The following KCNIP4 variants were observed in gnomAD, a reference collection of about 807,000 sequenced individuals.
KCNIP4 encodes the protein Kv channel-interacting protein 4.
KCNIP4 carries 12 observed loss-of-function variants against 34.0 expected under a neutral mutation model. The observed-to-expected ratio is 0.35, with a 90% CI of 0.23 to 0.57. The LOEUF (loss-of-function observed/expected upper bound fraction) is 0.57, where lower values mean the gene tolerates loss of function less well. Among genes scored for constraint, KCNIP4 ranks in the 20% least tolerant of loss-of-function variants. The pLI, the probability that KCNIP4 is intolerant of heterozygous loss-of-function variation, is 0.83. For synonymous variants in KCNIP4, 124 were observed against 102.2 expected (o/e 1.21, Z -1.29); for missense variants, 238 against 311.7 (o/e 0.76, Z 1.78).
intron 1 of KCNIP4, among the ~76,000 whole-genome samples, chr4:21,356,655 T>A (rs1718637501): frequency 6.6e-6 from 1 of 152,030 alleles, no homozygotes; most frequent in Non-Finnish European, 1.5e-5. Flanking sequence ...CACTGCTCAA[T>A]GAAATAAAAG....
intron 1 of KCNIP4, among the ~76,000 whole-genome samples, chr4:21,367,636 A>C (rs1719919708): frequency 6.8e-6 from 1 of 147,688 alleles, no homozygotes; most frequent in Admixed American, 6.6e-5. Context: ...AATTTCACCC[A>C]ACCCATGCAA....
intron 1 of KCNIP4, among the ~76,000 whole-genome samples, chr4:21,874,109 G>A (rs1294182882): frequency 6.6e-6 from 1 of 152,144 alleles, no homozygotes. Flanking sequence ...TTATTCGAAG[G>A]GGGCACTTAA....
chr4:21,552,566 C>A (rs901174274), intron 1 of KCNIP4, among the ~76,000 whole-genome samples: 146 of 152,228 alleles, frequency 9.6e-4, no homozygotes, highest in Non-Finnish European at 2.9e-4. Flanking sequence ...TGGACTATTT[C>A]TTGCCTGTAT....
intron 1 of KCNIP4, among the ~76,000 whole-genome samples, chr4:21,342,940 A>G (rs1215618865): frequency 6.6e-6 from 1 of 152,114 alleles, no homozygotes; most frequent in East Asian, 1.9e-4. Flanking sequence ...AGCCCTAGGT[A>G]GTATCATGTG....
chr4:20,853,550 C>T (rs1457913297), intron 2 of KCNIP4, among the ~76,000 whole-genome samples: 1 of 152,104 alleles, frequency 6.6e-6, no homozygotes, highest in Non-Finnish European at 1.5e-5. Context: ...TAGAAGATAA[C>T]ATTGGAAAAA....
At chr4:21,283,366 G>T (rs1003701888) in intron 1 of KCNIP4, among the ~76,000 whole-genome samples, 3 of 151,900 alleles carry the variant, frequency 2.0e-5, no homozygotes, top group Admixed American at 6.6e-5. Flanking sequence ...CAGCCAGCTA[G>T]GTGGACAATC....
chr4:21,121,083 G>A (rs1750117198), intron 1 of KCNIP4, among the ~76,000 whole-genome samples: 1 of 152,136 alleles, frequency 6.6e-6, no homozygotes, highest in African/African-American at 2.4e-5. Context: ...TCTTATTCTG[G>A]AATGGCATAA....
intron 1 of KCNIP4, among the ~76,000 whole-genome samples, chr4:21,650,432 C>T (rs1453240856): frequency 6.6e-6 from 1 of 152,098 alleles, no homozygotes; most frequent in Non-Finnish European, 1.5e-5. Context: ...AAAATAAAAA[C>T]ACTTGTTCCA....
At chr4:21,519,732 A>G (rs114748385) in intron 1 of KCNIP4, among the ~76,000 whole-genome samples, 17,622 of 112,676 alleles carry the variant, frequency 0.16, 2,094 homozygotes, top group East Asian at 0.43. Context: ...ACACGTGTGT[A>G]TATGTATGAT....
At chr4:20,876,548 A>T (rs1724054244) in intron 2 of KCNIP4, among the ~76,000 whole-genome samples, 2 of 152,018 alleles carry the variant, frequency 1.3e-5, no homozygotes, top group Non-Finnish European at 2.9e-5. Context: ...AGCCTCCAAG[A>T]TGCCACGGAA....
intron 1 of KCNIP4, among the ~76,000 whole-genome samples, chr4:21,120,029 T>C (rs1421003575): frequency 6.6e-6 from 1 of 152,036 alleles, no homozygotes; most frequent in Non-Finnish European, 1.5e-5. Context: ...ATCCCTGGGA[T>C]TGTTCTAGCC....
chr4:20,814,525 C>A (rs1028706041), intron 3 of KCNIP4, among the ~76,000 whole-genome samples: 2 of 152,192 alleles, frequency 1.3e-5, no homozygotes, highest in South Asian at 4.1e-4. Context: ...TGGGTTTATT[C>A]TAGGCTCTGC....
intron 1 of KCNIP4, among the ~76,000 whole-genome samples, chr4:20,884,538 C>G (rs180994665): frequency 6.6e-6 from 1 of 151,882 alleles, no homozygotes; most frequent in African/African-American, 2.4e-5. Context: ...TTTAACTACC[C>G]TCTCCTTTGC....
intron 3 of KCNIP4, among the ~76,000 whole-genome samples, chr4:20,849,848 G>A (rs1158640690): frequency 1.3e-5 from 2 of 152,206 alleles, no homozygotes; most frequent in East Asian, 1.9e-4. Flanking sequence ...AAGGATAGAA[G>A]TGTATCTTCT....
intron 1 of KCNIP4, among the ~76,000 whole-genome samples, chr4:21,327,046 T>C (rs1715155864): frequency 6.6e-6 from 1 of 152,064 alleles, no homozygotes; most frequent in Non-Finnish European, 1.5e-5. Context: ...ACTTATCCTT[T>C]AGTGCTTTTA....
intron 1 of KCNIP4, among the ~76,000 whole-genome samples, chr4:21,337,654 C>T (rs556724222): frequency 4.7e-4 from 71 of 152,112 alleles, no homozygotes; most frequent in African/African-American, 1.6e-3. Context: ...AAAAAAAATG[C>T]CTCCTAAGAG....
intron 1 of KCNIP4, among the ~76,000 whole-genome samples, chr4:21,059,247 T>C (rs1182124912): frequency 2.0e-5 from 3 of 152,176 alleles, no homozygotes; most frequent in Non-Finnish European, 4.4e-5. Context: ...TCTAAAAATA[T>C]CCGACTTTTT....
At chr4:21,860,159 A>C (rs1724989939) in intron 1 of KCNIP4, among the ~76,000 whole-genome samples, 1 of 152,158 alleles carries the variant, frequency 6.6e-6, no homozygotes, top group Non-Finnish European at 1.5e-5. Flanking sequence ...TTTGAGATGA[A>C]GTCTCACTCT....
At chr4:21,750,357 C>A (rs541872150) in intron 1 of KCNIP4, among the ~76,000 whole-genome samples, 5 of 152,236 alleles carry the variant, frequency 3.3e-5, no homozygotes, top group Non-Finnish European at 4.4e-5. Context: ...ATAAAGAACA[C>A]AAAAACTTAT....
Sources: gnomAD v4.1 joint callset for allele counts (sites outside exome capture counted in the v4.1 genomes callset) on GRCh38, gnomAD v4.1.1 for gene constraint, MANE v1.5 for transcripts, NCBI Gene and HGNC (gene_info 2026-07-23, HGNC 2026-07-21) for gene names.